Variants in MBNL2 observed in about 807,000 individuals in gnomAD.
MBNL2 encodes muscleblind-like protein 2.
Under a neutral mutation model 41.9 loss-of-function variants are expected in MBNL2, and 17 were observed. That is an observed-to-expected ratio of 0.41 (90% CI 0.28 to 0.61). MBNL2 has a LOEUF of 0.61. Ranked by LOEUF, MBNL2 falls within the 20% of genes least tolerant of loss-of-function variation. The pLI, the probability that MBNL2 is intolerant of heterozygous loss-of-function variation, is 0.35. For missense variants in MBNL2, 336 were observed against 505.6 expected (o/e 0.66, Z 3.22); for synonymous variants, 195 against 182.9 (o/e 1.07, Z -0.53).
chr13:97,266,115 G>A (rs1338017945), intron 1 of MBNL2, among the ~76,000 whole-genome samples: 3 of 152,040 alleles, frequency 2.0e-5, no homozygotes, highest in Non-Finnish European at 4.4e-5. Flanking sequence ...GGTGGCAGGT[G>A]CCTGTAATCC....
chr13:97,270,794 T>A (rs894469815), intron 1 of MBNL2, among the ~76,000 whole-genome samples: 4 of 152,172 alleles, frequency 2.6e-5, no homozygotes, highest in Non-Finnish European at 5.9e-5. Flanking sequence ...CATGCTGAAA[T>A]GTGGTCTAGC....
intron 2 of MBNL2, among the ~76,000 whole-genome samples, chr13:97,331,188 A>G (rs1187210986): frequency 6.6e-6 from 1 of 152,242 alleles, no homozygotes; most frequent in African/African-American, 2.4e-5. Flanking sequence ...ACATTTACTC[A>G]GTGCTTACTA....
At chr13:97,187,906 CAAAA>C in the MBNL2 span, among the ~76,000 whole-genome samples, 2 of 121,830 alleles carry the variant, frequency 1.6e-5, no homozygotes, top group African/African-American at 3.8e-5. Context: ...GACTTCGTCT[CAAAA>C]AAAAAAAAAA....
At chr13:97,285,412 A>G (rs559908006) in intron 2 of MBNL2, among the ~76,000 whole-genome samples, 6 of 152,356 alleles carry the variant, frequency 3.9e-5, no homozygotes, top group Admixed American at 3.9e-4. Flanking sequence ...TGGAGACAGC[A>G]GAAAATTAAC....
In MBNL2 at chr13:97,356,860, C is replaced by T; in HGVS notation, c.858+11C>T. On this transcript the variant is annotated intron_variant, in intron 6 of 8. Transcript: ENST00000679496. Reference sequence around the variant, plus strand: ...GCAACTGTAGACCTGGTACTTTGACCTTTCACCTTTCGCTTTGCATGTAGC... The same window carrying T: ...GCAACTGTAGACCTGGTACTTTGACTTTTCACCTTTCGCTTTGCATGTAGC... The T allele has an allele frequency of 1.5e-6, 2 of 1,353,298 alleles. No homozygotes were observed. Among genetic ancestry groups the T allele is most frequent in the Non-Finnish European group, 2.0e-6 (2 of 1,011,670 alleles). 83.8% of individuals were successfully genotyped at this position (1,353,298 alleles called of 1,614,324 possible).
the MBNL2 span, among the ~76,000 whole-genome samples, chr13:97,215,376 T>C: frequency 1.3e-5 from 2 of 152,212 alleles, no homozygotes; most frequent in African/African-American, 4.8e-5. Context: ...GCAATATTCA[T>C]CATCTGTCAG....
chr13:97,241,081 C>T (rs1455387539), intron 1 of MBNL2, among the ~76,000 whole-genome samples: 1 of 152,186 alleles, frequency 6.6e-6, no homozygotes, highest in Non-Finnish European at 1.5e-5. Flanking sequence ...CCTCTGGTCC[C>T]TCAGGAAAGG....
chr13:97,195,521 T>A, the MBNL2 span, among the ~76,000 whole-genome samples: 1 of 152,216 alleles, frequency 6.6e-6, no homozygotes, highest in Non-Finnish European at 1.5e-5. Context: ...TAAATATGCT[T>A]GTTTGTAAGG....
chr13:97,320,607 C>T (rs2059420309), intron 2 of MBNL2, among the ~76,000 whole-genome samples: 1 of 152,058 alleles, frequency 6.6e-6, no homozygotes, highest in African/African-American at 2.4e-5. Flanking sequence ...CTCAGCCATT[C>T]CTTGGCTTAA....
chr13:97,160,876 G>A, the MBNL2 span, among the ~76,000 whole-genome samples: 1 of 152,064 alleles, frequency 6.6e-6, no homozygotes, highest in African/African-American at 2.4e-5. Context: ...CTATAGTTTG[G>A]GCAAAAGTGG....
chr13:97,190,808 G>A, the MBNL2 span, among the ~76,000 whole-genome samples: 1 of 152,156 alleles, frequency 6.6e-6, no homozygotes, highest in African/African-American at 2.4e-5. Context: ...ACTTGAAAGA[G>A]TTTGAAGCCT....
intron 2 of MBNL2, among the ~76,000 whole-genome samples, chr13:97,281,824 T>C (rs1160653242): frequency 1.3e-5 from 2 of 152,224 alleles, no homozygotes; most frequent in Admixed American, 1.3e-4. Context: ...TAAGTCACCC[T>C]TATAGATGTG....
chr13:97,240,476 G>A (rs2044063671), intron 1 of MBNL2, among the ~76,000 whole-genome samples: 1 of 152,130 alleles, frequency 6.6e-6, no homozygotes, highest in South Asian at 2.1e-4. Context: ...ATAAGATATA[G>A]TTATCTGGGG....
the MBNL2 span, among the ~76,000 whole-genome samples, chr13:97,214,389 T>C: frequency 6.6e-6 from 1 of 152,256 alleles, no homozygotes; most frequent in Non-Finnish European, 1.5e-5. Context: ...ATTTCAGTCC[T>C]GCTAAATTTT....
intron 2 of MBNL2, among the ~76,000 whole-genome samples, chr13:97,295,141 T>A (rs938078725): frequency 6.6e-6 from 1 of 152,096 alleles, no homozygotes; most frequent in African/African-American, 2.4e-5. Flanking sequence ...GTTAGCACAA[T>A]GAAGAGGAAG....
intron 2 of MBNL2, among the ~76,000 whole-genome samples, chr13:97,318,826 A>G (rs556623196): frequency 6.6e-6 from 1 of 152,370 alleles, no homozygotes; most frequent in South Asian, 2.1e-4. Context: ...AAGAGACCCC[A>G]GGGTCTGAAG....
chr13:97,160,328 C>A, the MBNL2 span, among the ~76,000 whole-genome samples: 4 of 150,982 alleles, frequency 2.6e-5, no homozygotes, highest in African/African-American at 9.7e-5. Context: ...CAAGAAGAAG[C>A]CCCTCCAATA....
At chr13:97,219,284 G>T (rs1000198862), upstream of MBNL2, among the ~76,000 whole-genome samples, 1 of 152,174 alleles carries the variant, frequency 6.6e-6, no homozygotes, top group African/African-American at 2.4e-5. Flanking sequence ...AGGGTTCCCT[G>T]AACAGACGGC....
intron 2 of MBNL2, among the ~76,000 whole-genome samples, chr13:97,332,391 T>A (rs907775347): frequency 6.6e-6 from 1 of 152,212 alleles, no homozygotes; most frequent in Admixed American, 6.5e-5. Context: ...TCAAAGACTT[T>A]GCACACATGA....
Sources: allele counts gnomAD v4.1 joint callset (sites outside exome capture counted in the v4.1 genomes callset), GRCh38; gene constraint gnomAD v4.1.1; transcripts MANE v1.5; gene names NCBI Gene and HGNC (gene_info 2026-07-23, HGNC 2026-07-21).